The following WDR19 variants were observed in gnomAD, a reference collection of about 807,000 sequenced individuals.
The protein encoded by WDR19 is WD repeat-containing protein 19.
WDR19 carries 121 observed loss-of-function variants against 180.0 expected under a neutral mutation model. The ratio of observed to expected loss-of-function variants is 0.67; its 90% confidence interval spans 0.58 to 0.78. The LOEUF is 0.78. Ranked by LOEUF, WDR19 falls within the 30% of genes least tolerant of loss-of-function variation. The pLI is 0.00. For missense variants in WDR19, 1,450 were observed against 1,640.7 expected, an observed-to-expected ratio of 0.88 and a Z score of 2.01; for synonymous variants, 497 against 540.7, an observed-to-expected ratio of 0.92 and a Z score of 1.12.
At chr4:39,275,665 C>A (rs1258367631) in intron 33 of WDR19, among the ~76,000 whole-genome samples, 1 of 152,210 alleles carries the variant, frequency 6.6e-6, no homozygotes, top group Non-Finnish European at 1.5e-5. Context: ...AAGGTACCAT[C>A]CTCAGGACCT....
intron 14 of WDR19, among the ~76,000 whole-genome samples, chr4:39,221,868 G>A (rs1729740714): frequency 6.6e-6 from 1 of 152,110 alleles, no homozygotes; most frequent in Admixed American, 6.5e-5. Context: ...TTATTGCTGA[G>A]TAGTAGTAGT....
chr4:39,186,612 C>G lies in WDR19; in HGVS notation c.164+8C>G. ...TGAAATTAACTTACCTGGGTAAGTA[C>G]AGAAGTAGATTTAAAAAAACCTGTC... On this transcript the variant is annotated splice_region_variant and intron_variant, in intron 3 of 36. Coordinates refer to ENST00000399820, the MANE Select transcript of WDR19 (RefSeq NM_025132.4). 3 of 1,528,356 alleles carry G rather than the reference C, an allele frequency of 2.0e-6. No individual in the cohort carries two copies. Among genetic ancestry groups the G allele is most frequent in the East Asian group, 2.4e-5 (1 of 42,334 alleles). 94.7% of individuals were successfully genotyped at this position (1,528,356 alleles called of 1,614,324 possible).
chr4:39,204,570 T>G (rs550187270), intron 7 of WDR19, among the ~76,000 whole-genome samples: 76 of 152,362 alleles, frequency 5.0e-4, no homozygotes, highest in Non-Finnish European at 8.8e-4. Flanking sequence ...AGGAAATACA[T>G]GATAATGAGC....
At chr4:39,186,083 T>C (rs1725506677) in intron 2 of WDR19, among the ~76,000 whole-genome samples, 1 of 152,148 alleles carries the variant, frequency 6.6e-6, no homozygotes, top group Admixed American at 6.6e-5. Flanking sequence ...TGAAAGTTCA[T>C]AGAACCTTTT....
chr4:39,274,983 T>TATCTA (rs1735758895), intron 33 of WDR19, 25 bp downstream of exon 33: 2 of 1,597,014 alleles, frequency 1.3e-6, no homozygotes, highest in South Asian at 2.2e-5. Context: ...CTATTTCTGC[T>TATCTA]ATCTAATCGT....
intron 6 of WDR19, 61 bp from the exon 7 acceptor site, chr4:39,203,581 A>C: frequency 5.1e-6 from 7 of 1,362,708 alleles, no homozygotes; most frequent in Non-Finnish European, 7.2e-6. Flanking sequence ...CATTCTATTA[A>C]TATTCAGAAT....
At chr4:39,243,654 A>G (rs1175236581) in intron 21 of WDR19, among the ~76,000 whole-genome samples, 1 of 152,240 alleles carries the variant, frequency 6.6e-6, no homozygotes, top group Non-Finnish European at 1.5e-5. Flanking sequence ...TGCACCAGCC[A>G]TATTTCAAAT....
intron 14 of WDR19, among the ~76,000 whole-genome samples, chr4:39,223,868 G>A (rs1037882697): frequency 6.6e-6 from 1 of 152,136 alleles, no homozygotes; most frequent in African/African-American, 2.4e-5. Context: ...TAGAATAATT[G>A]TGTGTCTATC....
At chr4:39,186,919 T>C (rs534558213) in intron 3 of WDR19, among the ~76,000 whole-genome samples, 6 of 152,346 alleles carry the variant, frequency 3.9e-5, no homozygotes, top group African/African-American at 1.4e-4. Context: ...TATAGGCAGA[T>C]AAGATAAACC....
intron 1 of WDR19, among the ~76,000 whole-genome samples, chr4:39,183,270 T>TTTTTTA (rs1182348960): frequency 2.8e-4 from 42 of 147,930 alleles, no homozygotes; most frequent in South Asian, 1.5e-3. Flanking sequence ...TTTTTTTTTT[T>TTTTTTA]ACTGAGTCTC....
chr4:39,233,604 G>A (rs748093377), intron 19 of WDR19, among the ~76,000 whole-genome samples: 13 of 152,188 alleles, frequency 8.5e-5, no homozygotes, highest in South Asian at 2.1e-4. Flanking sequence ...TTTTGGGAGC[G>A]TTTGTTATTA....
In WDR19 at chr4:39,270,100, G is replaced by A; in HGVS notation, c.3483G>A (p.Lys1161=). 6.2e-7 allele frequency: 1 copy of A among 1,613,642 alleles called. No homozygotes were observed. Among genetic ancestry groups the A allele is most frequent in the South Asian group, 1.1e-5 (1 of 91,002 alleles). ...TTCTGCACAGCTATATACTAGTAAAGGTGAGGCCCATGGAGTGACTTGGGA... is the reference window on the plus strand; with the variant it reads ...TTCTGCACAGCTATATACTAGTAAAAGTGAGGCCCATGGAGTGACTTGGGA... The part of the protein sequence containing the change: ...LMILHSYILV[K]IHVKNGDHMK... The change falls in exon 31 of 37, where the codon AAG becomes AAA. Residue 1161 remains lysine, a splice_region_variant and synonymous_variant. Transcript: ENST00000399820.
chr4:39,187,723 G>C (rs542446045), intron 3 of WDR19, among the ~76,000 whole-genome samples: 2 of 152,236 alleles, frequency 1.3e-5, no homozygotes, highest in African/African-American at 4.8e-5. Flanking sequence ...AAATTGTCTT[G>C]GAGTAAATTG....
At chr4:39,255,655 A>C (rs184556723) in intron 26 of WDR19, among the ~76,000 whole-genome samples, 193 bp from the exon 27 acceptor site, 173 of 152,340 alleles carry the variant, frequency 1.1e-3, no homozygotes, top group Non-Finnish European at 2.2e-3. Flanking sequence ...GTTAAAAAAA[A>C]AAGATGGAAC....
intron 24 of WDR19, among the ~76,000 whole-genome samples, 186 bp from the exon 25 acceptor site, chr4:39,252,960 A>G (rs1033282944): frequency 2.6e-5 from 4 of 152,206 alleles, no homozygotes; most frequent in African/African-American, 9.6e-5. Flanking sequence ...CTGTTCATTT[A>G]TCAAATTCCT....
chr4:39,207,041 A>T (rs116001615), intron 9 of WDR19, among the ~76,000 whole-genome samples: 4,410 of 152,348 alleles, frequency 0.029, 92 homozygotes, highest in Middle Eastern at 0.065. Flanking sequence ...AAAAACACCA[A>T]TGCCAAGATT....
chr4:39,193,740 C>T (rs752594385), intron 4 of WDR19, among the ~76,000 whole-genome samples: 5 of 152,192 alleles, frequency 3.3e-5, no homozygotes, highest in South Asian at 2.1e-4. Flanking sequence ...GGTCTGTCAG[C>T]GGTGCTGAAA....
At chr4:39,198,912 T>G (rs1219744206) in intron 5 of WDR19, among the ~76,000 whole-genome samples, 1 of 150,394 alleles carries the variant, frequency 6.6e-6, no homozygotes, top group Non-Finnish European at 1.5e-5. Context: ...GCGGAAGAAT[T>G]GCTTGAACCT....
intron 5 of WDR19, among the ~76,000 whole-genome samples, chr4:39,195,387 C>CAAAAA (rs11372483): frequency 2.1e-5 from 3 of 141,870 alleles, no homozygotes; most frequent in South Asian, 2.2e-4. Context: ...AACAAAAAAA[C>CAAAAA]AAACAAACAA....
Sources: gnomAD v4.1 joint callset for allele counts (sites outside exome capture counted in the v4.1 genomes callset) on GRCh38, gnomAD v4.1.1 for gene constraint, MANE v1.5 for transcripts, NCBI Gene and HGNC (gene_info 2026-07-23, HGNC 2026-07-21) for gene names.